The following GALM variants were observed in gnomAD, a reference collection of about 807,000 sequenced individuals.
GALM encodes galactose mutarotase.
Under a neutral mutation model 37.4 loss-of-function variants are expected in GALM, and 43 were observed. The observed-to-expected ratio is 1.15, with a 90% CI of 0.90 to 1.48. GALM has a LOEUF of 1.48. Among genes scored for constraint, GALM ranks in the 40% most tolerant of loss-of-function variants. The probability of loss-of-function intolerance (pLI) is 0.00; values close to 1 mark genes in which losing one functional copy is unlikely to be tolerated. For synonymous variants in GALM, 199 were observed against 170.6 expected (o/e 1.17, Z -1.30); for missense variants, 456 against 419.1 (o/e 1.09, Z -0.77).
In GALM at chr2:38,678,017, C is replaced by CTTTT. The variant is rs372206191; in HGVS notation, c.345+1964_345+1967dup. 7.9e-3 allele frequency among the ~76,000 whole-genome samples: 1,086 copies of CTTTT among 138,302 alleles called. 61 individuals carry two copies. The East Asian group carries it at 0.16, about 20-fold the overall frequency. 90.7% of individuals were successfully genotyped at this position (138,302 alleles called of 152,430 possible). The stretch of plus-strand genomic sequence containing the variant: ...GAGGGGTGGGGAAAGACTTTGAACT[C>CTTTT]TTTTTTTTTTTTTTTTGAGGCAGAG... On this transcript the variant is annotated intron_variant, in intron 2 of 6. Coordinates refer to ENST00000272252, the MANE Select transcript of GALM (RefSeq NM_138801.3).
At chr2:38,704,748 G>A (rs1478131779) in intron 4 of GALM, among the ~76,000 whole-genome samples, 1 of 151,868 alleles carries the variant, frequency 6.6e-6, no homozygotes, top group African/African-American at 2.4e-5. Flanking sequence ...TCATGACATT[G>A]GACCCTATGA....
At chr2:38,668,386 T>G (rs893834915) in intron 1 of GALM, 2 of 152,288 alleles carry the variant, frequency 1.3e-5, no homozygotes, top group African/African-American at 2.4e-5. Flanking sequence ...GTGTTTGTTG[T>G]AGAGGTGTGG....
rs115921684 is a variant in GALM at position 38,681,312 on chromosome 2, C to T, written c.378C>T (p.Gly126=). ...GGACCCCTCGGGTGCTGTCAAATGG[C>T]GTCCAGTTCTCGCGCATCAGTCCAG... ...VLWTPRVLSN[G]VQFSRISPDG... is the part of the protein sequence containing the mutation. Residue 126 remains glycine, a synonymous_variant, in exon 3 of 7, where the codon GGC becomes GGT. Coordinates refer to ENST00000272252, the MANE Select transcript of GALM (RefSeq NM_138801.3). 2.5e-5 allele frequency: 40 copies of T among 1,613,576 alleles called. No individual in the cohort carries two copies. The highest frequency in any genetic ancestry group is 1.1e-4 in the East Asian group (5 of 44,882).
intron 4 of GALM, among the ~76,000 whole-genome samples, chr2:38,691,310 G>T (rs939266200): frequency 6.6e-6 from 1 of 152,228 alleles, no homozygotes; most frequent in Admixed American, 6.5e-5. Context: ...TAAAGGCCAA[G>T]TTATTTTACT....
intron 4 of GALM, among the ~76,000 whole-genome samples, chr2:38,691,913 T>A (rs890079607): frequency 6.6e-6 from 1 of 152,094 alleles, no homozygotes; most frequent in Admixed American, 6.6e-5. Context: ...ATAAAAAAAA[T>A]AAATAGCAGA....
intron 3 of GALM, among the ~76,000 whole-genome samples, chr2:38,685,982 G>T (rs1665509896): frequency 6.6e-6 from 1 of 151,864 alleles, no homozygotes; most frequent in Admixed American, 6.6e-5. Flanking sequence ...CAAACTTCTG[G>T]GATTACAGGC....
intron 4 of GALM, among the ~76,000 whole-genome samples, chr2:38,719,243 G>C (rs1226173317): frequency 6.6e-6 from 1 of 151,736 alleles, no homozygotes; most frequent in Non-Finnish European, 1.5e-5. Context: ...AACCCGAGGT[G>C]GGTGGATCAC....
chr2:38,677,614 T>G (rs74790991), intron 2 of GALM, among the ~76,000 whole-genome samples: 2,353 of 152,360 alleles, frequency 0.015, 29 homozygotes, highest in Non-Finnish European at 0.025. Context: ...CACCTCGTTC[T>G]AGCTTGCCCC....
rs2272445 is a variant in GALM at position 38,729,805 on chromosome 2, A to G, written c.776+108A>G. On this transcript the variant is annotated intron_variant, in intron 5 of 6. Transcript: ENST00000272252. ...TATCAATAGCATTTACTATGCTACA[A>G]GTGACCCAATACCACATCCCATATT... 516,631 of 890,136 alleles carry G rather than the reference A, an allele frequency of 0.58. 135,103 individuals are homozygous for G. The highest frequency in any genetic ancestry group is 0.83 in the East Asian group (31,613 of 38,168). 55.1% of individuals were successfully genotyped at this position (890,136 alleles called of 1,614,324 possible). A position where few individuals can be genotyped will look rare whatever the true frequency, so the allele number is the denominator to read the frequency against.
rs1390948219 is a variant in GALM at position 38,688,217 on chromosome 2, A to G, written c.553-1596A>G. Among the ~76,000 whole-genome samples the G allele has an allele frequency of 3.3e-5, 5 of 151,430 alleles. No homozygotes were observed. In the East Asian group the frequency reaches 7.7e-4, roughly 23 times the overall value. ...ACAGAGTGAGACTCCGTCTCAAAAA[A>G]AAAAAAAATGTGTACTGGGTGCGGT... On this transcript the variant is annotated intron_variant, in intron 3 of 6. Coordinates refer to ENST00000272252, the MANE Select transcript of GALM (RefSeq NM_138801.3).
At chr2:38,685,708 A>T (rs529914096) in intron 3 of GALM, among the ~76,000 whole-genome samples, 31 of 151,672 alleles carry the variant, frequency 2.0e-4, no homozygotes, top group African/African-American at 6.8e-4. Context: ...ATGCATTTTT[A>T]TTTTTATTTT....
chr2:38,684,920 G>T (rs1363187775), intron 3 of GALM, among the ~76,000 whole-genome samples: 1 of 152,148 alleles, frequency 6.6e-6, no homozygotes, highest in African/African-American at 2.4e-5. Context: ...GTACATGACA[G>T]GTAGACATGT....
intron 4 of GALM, among the ~76,000 whole-genome samples, chr2:38,696,104 T>C (rs1324788870): frequency 6.6e-6 from 1 of 151,710 alleles, no homozygotes; most frequent in African/African-American, 2.4e-5. Context: ...ACTATAACAG[T>C]AAAAAAAGTG....
At chr2:38,670,553 T>G (rs935964699) in intron 1 of GALM, among the ~76,000 whole-genome samples, 1 of 152,204 alleles carries the variant, frequency 6.6e-6, no homozygotes, top group African/African-American at 2.4e-5. Flanking sequence ...GCAATTTACT[T>G]AAACTCTCCA....
chr2:38,727,955 C>A (rs1223341784), intron 4 of GALM, among the ~76,000 whole-genome samples: 1 of 152,144 alleles, frequency 6.6e-6, no homozygotes, highest in African/African-American at 2.4e-5. Context: ...CTACTTCTCT[C>A]CCCTGATTAC....
intron 4 of GALM, among the ~76,000 whole-genome samples, chr2:38,711,160 G>GA (rs1227834603): frequency 1.5e-5 from 2 of 131,312 alleles, no homozygotes; most frequent in Non-Finnish European, 3.3e-5. Flanking sequence ...ATTACAGATA[G>GA]CCTTTTTTTT....
intron 4 of GALM, among the ~76,000 whole-genome samples, chr2:38,710,512 G>C (rs1666126830): frequency 6.6e-6 from 1 of 152,158 alleles, no homozygotes; most frequent in South Asian, 2.1e-4. Context: ...TTAGAAAGTG[G>C]CTGGCATGTC....
At chr2:38,715,873 C>T (rs1374951584) in intron 4 of GALM, among the ~76,000 whole-genome samples, 3 of 152,242 alleles carry the variant, frequency 2.0e-5, no homozygotes, top group Admixed American at 1.3e-4. Context: ...ATTTAGTGTT[C>T]GCAATAATGC....
intron 4 of GALM, among the ~76,000 whole-genome samples, chr2:38,710,656 C>A (rs1478154807): frequency 6.6e-6 from 1 of 152,122 alleles, no homozygotes; most frequent in Non-Finnish European, 1.5e-5. Flanking sequence ...CCTCCTGCCT[C>A]AGGCTCCCAA....
Sources: allele counts gnomAD v4.1 joint callset (sites outside exome capture counted in the v4.1 genomes callset), GRCh38; gene constraint gnomAD v4.1.1; transcripts MANE v1.5; gene names NCBI Gene and HGNC (gene_info 2026-07-23, HGNC 2026-07-21).